The following CACNG3 variants were observed in gnomAD, a reference collection of about 807,000 sequenced individuals.
CACNG3 encodes the protein voltage-dependent calcium channel gamma-3 subunit.
CACNG3 carries 3 observed loss-of-function variants against 28.5 expected under a neutral mutation model. The observed-to-expected ratio is 0.11, with a 90% confidence interval of 0.05 to 0.27. The LOEUF (loss-of-function observed/expected upper bound fraction) is 0.27, where lower values mean the gene tolerates loss of function less well. Ranked by LOEUF, CACNG3 falls within the 10% of genes least tolerant of loss-of-function variation. The pLI is 1.00. For missense variants in CACNG3, 236 were observed against 414.4 expected (o/e 0.57, Z 3.74); for synonymous variants, 174 against 162.2 (o/e 1.07, Z -0.55).
At chr16:24,301,118 T>C (rs201800210) in intron 1 of CACNG3, among the ~76,000 whole-genome samples, 2 of 146,512 alleles carry the variant, frequency 1.4e-5, no homozygotes, top group African/African-American at 5.1e-5. Flanking sequence ...GGCTGAGGCA[T>C]GAGAATCACT....
rs1310581603 is a variant in CACNG3, at chr16:24,361,906, G to T, written c.*43G>T. 6 of 1,555,320 alleles carry T rather than the reference G, an allele frequency of 3.9e-6. No homozygotes were observed. The highest frequency in any genetic ancestry group is 4.3e-6 in the Non-Finnish European group (5 of 1,155,086). ...GCCCCACGCCCAGCACAGCCTTGGG[G>T]GAAGTGTACAGAGATGTCTCTGAGG... On this transcript the variant is annotated 3_prime_UTR_variant, in exon 4 of 4. Transcript: ENST00000005284. The surrounding 1 kb of genome is among the most constrained non-coding windows in gnomAD (Gnocchi z 6.8).
intron 1 of CACNG3, among the ~76,000 whole-genome samples, chr16:24,319,772 T>C (rs748807986): frequency 1.3e-5 from 2 of 150,798 alleles, no homozygotes; most frequent in Non-Finnish European, 3.0e-5. Context: ...GTTATTTTTG[T>C]TTGTTTGTTT....
Position 24,272,713 on chromosome 16 carries a change from T to C in CACNG3, c.211+15748T>C, listed in dbSNP as rs1898706548. Among the ~76,000 whole-genome samples, 8 of 152,326 alleles carry C rather than the reference T, an allele frequency of 5.3e-5. No homozygotes were observed. In the Middle Eastern group the frequency reaches 0.02, roughly 389 times the overall value. ...GTCATGTAAATTGAATTTATTAGAT[T>C]TTTTTCAACTTGCCATTTATTTTTC... On this transcript the variant is annotated intron_variant, in intron 1 of 3. Coordinates refer to ENST00000005284, the MANE Select transcript of CACNG3 (RefSeq NM_006539.4).
At chr16:24,257,583 C>T (rs1012253008) in intron 1 of CACNG3, among the ~76,000 whole-genome samples, 1 of 152,110 alleles carries the variant, frequency 6.6e-6, no homozygotes, top group Non-Finnish European at 1.5e-5. Context: ...CCCACCCACA[C>T]CCTATGCACA....
At chr16:24,342,299 G>A (rs1043477162) in intron 1 of CACNG3, among the ~76,000 whole-genome samples, 1 of 152,110 alleles carries the variant, frequency 6.6e-6, no homozygotes, top group African/African-American at 2.4e-5. Context: ...AAAATAAAAT[G>A]CAGAAGCTTA....
intron 1 of CACNG3, among the ~76,000 whole-genome samples, chr16:24,292,892 A>G (rs1898983639): frequency 6.6e-6 from 1 of 152,258 alleles, no homozygotes; most frequent in South Asian, 2.1e-4. Context: ...GGGAACAGGA[A>G]AGAACCAGAG....
At chr16:24,358,091 C>T (rs1042698753) in intron 3 of CACNG3, among the ~76,000 whole-genome samples, 1 of 151,086 alleles carries the variant, frequency 6.6e-6, no homozygotes, top group East Asian at 2.0e-4. Context: ...TCACTACTCT[C>T]TAAGGCTGTT....
chr16:24,312,656 AT>A (rs1161517242), intron 1 of CACNG3, among the ~76,000 whole-genome samples: 3 of 150,218 alleles, frequency 2.0e-5, no homozygotes, highest in African/African-American at 2.4e-5. Context: ...TCTCTTAAAA[AT>A]TTTTTTTTTA....
chr16:24,302,174 C>G (rs975636484), intron 1 of CACNG3, among the ~76,000 whole-genome samples: 17 of 152,228 alleles, frequency 1.1e-4, no homozygotes, highest in Admixed American at 3.9e-4. Flanking sequence ...CCTCTCTTGT[C>G]TGCCTCCAAT....
intron 1 of CACNG3, among the ~76,000 whole-genome samples, chr16:24,335,935 C>CA (rs35275526): frequency 9.3e-5 from 14 of 150,730 alleles, no homozygotes; most frequent in Non-Finnish European, 1.6e-4. Flanking sequence ...AAATAAAAAA[C>CA]AAAAAAAAAA....
At chr16:24,351,736 A>AAAGG (rs1364408049) in intron 2 of CACNG3, among the ~76,000 whole-genome samples, 6 of 74,048 alleles carry the variant, frequency 8.1e-5, no homozygotes, top group Non-Finnish European at 1.1e-4. Context: ...AGAGAGAGAG[A>AAAGG]AAGGAAGGAA....
intron 1 of CACNG3, among the ~76,000 whole-genome samples, chr16:24,279,641 C>T (rs991910): frequency 0.36 from 54,707 of 151,934 alleles, 9,923 homozygotes; most frequent in South Asian, 0.49. Flanking sequence ...GACATTAATG[C>T]AATAATCCCA....
chr16:24,258,033 C>T (rs555261100), intron 1 of CACNG3, among the ~76,000 whole-genome samples: 6 of 152,134 alleles, frequency 3.9e-5, no homozygotes, highest in South Asian at 4.1e-4. Flanking sequence ...CTTAGGCTTC[C>T]GAGAAATCTG....
chr16:24,278,566 A>T (rs1044086237), intron 1 of CACNG3, among the ~76,000 whole-genome samples: 3 of 152,186 alleles, frequency 2.0e-5, no homozygotes. Context: ...CAGTGAGCCG[A>T]GATTGCACCA....
chr16:24,290,599 G>GTTAT (rs967754876), intron 1 of CACNG3, among the ~76,000 whole-genome samples: 3 of 152,208 alleles, frequency 2.0e-5, no homozygotes, highest in Non-Finnish European at 2.9e-5. Context: ...GTAGTCATGG[G>GTTAT]TTATTTATTT....
At chr16:24,313,139 A>C (rs1596638725) in intron 1 of CACNG3, among the ~76,000 whole-genome samples, 2 of 149,084 alleles carry the variant, frequency 1.3e-5, no homozygotes, top group South Asian at 2.1e-4. Flanking sequence ...GCACTGAATA[A>C]ATAGTAATTA....
chr16:24,286,729 A>C (rs1179726605), intron 1 of CACNG3, among the ~76,000 whole-genome samples: 2 of 152,216 alleles, frequency 1.3e-5, no homozygotes, highest in Non-Finnish European at 2.9e-5. Context: ...ATTTTACAAA[A>C]GTGGAAACTG....
chr16:24,317,580 AAG>A (rs1899373388), intron 1 of CACNG3, among the ~76,000 whole-genome samples: 1 of 62,570 alleles, frequency 1.6e-5, no homozygotes, highest in Non-Finnish European at 2.9e-5. Flanking sequence ...GAAAGAAAGA[AAG>A]AAAGAAAGAA....
chr16:24,283,738 A>G (rs765477548), intron 1 of CACNG3, among the ~76,000 whole-genome samples: 1 of 152,208 alleles, frequency 6.6e-6, no homozygotes, highest in Non-Finnish European at 1.5e-5. Context: ...TGTAATGGAT[A>G]TCTCATGAAC....
Sources: allele counts gnomAD v4.1 joint callset (sites outside exome capture counted in the v4.1 genomes callset), GRCh38; gene constraint gnomAD v4.1.1; non-coding constraint Gnocchi (gnomAD v3.1); transcripts MANE v1.5; gene names NCBI Gene and HGNC (gene_info 2026-07-23, HGNC 2026-07-21).